Variants in CFAP47 observed in about 807,000 individuals in gnomAD.
CFAP47 encodes cilia- and flagella-associated protein 47.
Under a neutral mutation model 148.1 loss-of-function variants are expected in CFAP47, and 29 were observed. The ratio of observed to expected loss-of-function variants is 0.20; its 90% confidence interval spans 0.15 to 0.27. CFAP47 has a LOEUF of 0.27. Among genes scored for constraint, CFAP47 ranks in the 10% least tolerant of loss-of-function variants. The probability of loss-of-function intolerance (pLI) is 1.00; values close to 1 mark genes in which losing one functional copy is unlikely to be tolerated. For missense variants in CFAP47, 1,872 were observed against 1,697.5 expected (o/e 1.10, Z -1.81); for synonymous variants, 664 against 577.3 (o/e 1.15, Z -2.15).
intron 25 of CFAP47, among the ~76,000 whole-genome samples, chrX:36,041,925 CAAAAAAAA>C (rs61099689): frequency 1.6e-3 from 48 of 30,577 alleles, no homozygotes; most frequent in Non-Finnish European, 3.0e-3. Flanking sequence ...GACTCCATCT[CAAAAAAAA>C]AAAAAAAAAA....
chrX:36,157,478 T>G (rs1319887659), intron 37 of CFAP47, among the ~76,000 whole-genome samples: 1 of 111,955 alleles, frequency 8.9e-6, no homozygotes, highest in African/African-American at 3.2e-5. Flanking sequence ...CCTTCTTTCA[T>G]CCCCTGTTCA....
chrX:36,243,336 T>C (rs781939373), intron 48 of CFAP47, among the ~76,000 whole-genome samples: 2 of 109,977 alleles, frequency 1.8e-5, no homozygotes, highest in Non-Finnish European at 3.8e-5. Context: ...ATATCAGTAC[T>C]GACCCTAAAT....
At chrX:35,923,226 G>T (rs897235177) in intron 1 of CFAP47, among the ~76,000 whole-genome samples, 1 of 111,198 alleles carries the variant, frequency 9.0e-6, no homozygotes, top group African/African-American at 3.3e-5. Context: ...CACTTCCTGA[G>T]TGACTTCAGA....
intron 15 of CFAP47, among the ~76,000 whole-genome samples, chrX:35,987,389 T>C (rs1936730826): frequency 9.0e-6 from 1 of 111,624 alleles, no homozygotes; most frequent in African/African-American, 3.3e-5. Flanking sequence ...CTAAACTTTC[T>C]GGAGGCTTAT....
In CFAP47 at chrX:36,384,796, G is replaced by A; in HGVS notation, c.9355-1G>A. The A allele has an allele frequency of 8.6e-7, 1 of 1,160,229 alleles. No individual in the cohort carries two copies. The highest frequency in any genetic ancestry group is 1.2e-6 in the Non-Finnish European group (1 of 866,661). On this transcript the variant is annotated splice_acceptor_variant, in intron 63 of 63. Transcript: ENST00000378653. LOFTEE classifies it high-confidence loss of function. ...GAAAATTTCTCCCTCTTTCTATCCAGACAGAAGAAATGTACTGGAAGTATG... is the reference window on the plus strand; with the variant it reads ...GAAAATTTCTCCCTCTTTCTATCCAAACAGAAGAAATGTACTGGAAGTATG...
chrX:36,306,869 G>C lies in CFAP47; in HGVS notation c.8180G>C (p.Cys2727Ser). Reference protein sequence around the residue: ...ADHQACINFYCTQFTEWKFYL... With the variant: ...ADHQACINFYSTQFTEWKFYL... ...CATCAAGCTTGCATCAACTTCTACT[G>C]TACTCAGGTATGATAGAGTATTCTT... Residue 2727 changes from cysteine to serine, a missense_variant, in exon 55 of 64, where the codon TGT becomes TCT. Transcript: ENST00000378653. The C allele has an allele frequency of 1.8e-6, 2 of 1,085,630 alleles. No individual in the cohort carries two copies. The highest frequency in any genetic ancestry group is 1.2e-6 in the Non-Finnish European group (1 of 808,505). The allele number at this position is 1,085,630 out of a possible 1,213,427, so 89.5% of individuals were successfully genotyped here.
At chrX:35,924,189 ATG>A (rs1479510808) in intron 1 of CFAP47, among the ~76,000 whole-genome samples, 2 of 104,751 alleles carry the variant, frequency 1.9e-5, no homozygotes, top group African/African-American at 3.6e-5. Flanking sequence ...GCGTACATGT[ATG>A]TGTATATATG....
intron 8 of CFAP47, among the ~76,000 whole-genome samples, chrX:35,957,286 G>C (rs1416621327): frequency 9.1e-6 from 1 of 109,501 alleles, no homozygotes; most frequent in Non-Finnish European, 1.9e-5. Context: ...TTCACTGTCT[G>C]GCAATTTACA....
chrX:36,110,875 T>C (rs1419177125), intron 33 of CFAP47, among the ~76,000 whole-genome samples: 1 of 111,803 alleles, frequency 8.9e-6, no homozygotes, highest in African/African-American at 3.3e-5. Flanking sequence ...ATTGTGAATG[T>C]GATTACATTC....
chrX:36,311,886 G>A (rs1361750844), intron 56 of CFAP47, among the ~76,000 whole-genome samples: 1 of 110,709 alleles, frequency 9.0e-6, no homozygotes, highest in Non-Finnish European at 1.9e-5. Flanking sequence ...TTGCACTTTG[G>A]TGCTTTTCTA....
intron 30 of CFAP47, among the ~76,000 whole-genome samples, chrX:36,087,643 G>A (rs1179386335): frequency 5.4e-5 from 6 of 111,805 alleles, no homozygotes; most frequent in Non-Finnish European, 5.6e-5. Context: ...CTGGGAGCAT[G>A]GAATGGGGCC....
At chrX:35,960,119 T>G (rs1296620992) in intron 8 of CFAP47, among the ~76,000 whole-genome samples, 2 of 107,042 alleles carry the variant, frequency 1.9e-5, no homozygotes, top group Non-Finnish European at 3.8e-5. Flanking sequence ...TTTTCTTTTT[T>G]TCGAGACAAG....
intron 57 of CFAP47, among the ~76,000 whole-genome samples, chrX:36,325,953 G>A (rs1196911784): frequency 9.0e-6 from 1 of 111,457 alleles, no homozygotes; most frequent in African/African-American, 3.3e-5. Context: ...ATAATTTCAA[G>A]TATGGTAAGA....
intron 46 of CFAP47, among the ~76,000 whole-genome samples, chrX:36,232,033 T>G (rs1449292107): frequency 9.0e-6 from 1 of 111,416 alleles, no homozygotes; most frequent in Non-Finnish European, 1.9e-5. Context: ...TATTGAGGAT[T>G]TTTGCATCAA....
intron 45 of CFAP47, among the ~76,000 whole-genome samples, chrX:36,227,693 G>T (rs1385672758): frequency 8.9e-6 from 1 of 112,128 alleles, no homozygotes; most frequent in Admixed American, 9.5e-5. Context: ...TGATATGCTT[G>T]ATTTGTTTTC....
At chrX:36,378,685 G>A (rs781900985) in intron 62 of CFAP47, among the ~76,000 whole-genome samples, 9 of 111,317 alleles carry the variant, frequency 8.1e-5, no homozygotes, top group South Asian at 7.6e-4. Flanking sequence ...GATTACAGGC[G>A]TGAGCCACCA....
chrX:36,215,802 G>A (rs1940152938), intron 45 of CFAP47, among the ~76,000 whole-genome samples: 1 of 111,464 alleles, frequency 9.0e-6, no homozygotes, highest in African/African-American at 3.3e-5. Context: ...AAATACTAGG[G>A]ACAATAGAGG....
intron 7 of CFAP47, 116 bp downstream of exon 7, chrX:35,953,835 A>T (rs1283612354): frequency 5.8e-6 from 3 of 515,708 alleles, no homozygotes; most frequent in Non-Finnish European, 8.6e-6. Context: ...GAATAGAAAA[A>T]AAAGCAAACA....
At chrX:36,063,566 A>C (rs1353897645) in intron 26 of CFAP47, among the ~76,000 whole-genome samples, 1 of 112,153 alleles carries the variant, frequency 8.9e-6, no homozygotes, top group African/African-American at 3.2e-5. Context: ...AAACAAATAA[A>C]CATTATACTT....
Sources: allele counts gnomAD v4.1 joint callset (sites outside exome capture counted in the v4.1 genomes callset), GRCh38; gene constraint gnomAD v4.1.1; transcripts MANE v1.5; gene names NCBI Gene and HGNC (gene_info 2026-07-23, HGNC 2026-07-21).